The following LILRB3 variants were observed in gnomAD, a reference collection of about 807,000 sequenced individuals.
LILRB3 encodes leukocyte immunoglobulin like receptor B3, also known as leukocyte immunoglobulin-like receptor subfamily B member 3.
Under a neutral mutation model 68.2 loss-of-function variants are expected in LILRB3, and 32 were observed. The observed-to-expected ratio is 0.47, with a 90% CI of 0.35 to 0.63. The LOEUF (loss-of-function observed/expected upper bound fraction) is 0.63. LILRB3 is among the 30% of genes least tolerant of loss of function. The pLI is 0.00. For synonymous variants in LILRB3, 185 were observed against 323.1 expected, an observed-to-expected ratio of 0.57 and a Z score of 4.58; for missense variants, 502 against 791.3, an observed-to-expected ratio of 0.63 and a Z score of 4.39.
exon 12 of LILRB3, chr19:54,217,395 G>A: frequency 6.2e-7 from 1 of 1,602,484 alleles, no homozygotes. Context: ...TGAGGAGGGA[G>A]GAGAGGCCAT....
chr19:54,219,171 G>C, exon 8 of LILRB3: 1 of 1,608,314 alleles, frequency 6.2e-7, no homozygotes. Context: ...AGGAGGAGGA[G>C]GAAGAGGAGG....
At chr19:54,218,830 T>C in exon 9 of LILRB3, 1 of 1,614,102 alleles carries the variant, frequency 6.2e-7, no homozygotes, top group Non-Finnish European at 8.5e-7. Context: ...AAATCAGTCT[T>C]TCTCTGGTCT....
intron 7 of LILRB3, 24 bp from the exon 8 acceptor site, chr19:54,219,269 G>A: frequency 3.3e-6 from 5 of 1,529,444 alleles, no homozygotes; most frequent in Non-Finnish European, 4.4e-6. Context: ...CGTCAGGAGT[G>A]GGAATGATGT....
intron 11 of LILRB3, 53 bp downstream of exon 11, chr19:54,218,308 A>G: frequency 6.2e-7 from 1 of 1,609,034 alleles, no homozygotes; most frequent in Non-Finnish European, 8.5e-7. Context: ...GTCCTGCAGG[A>G]TTAGATCTGG....
chr19:54,219,162 GGAGGAGGAGGAA>G (rs762459137), exon 8 of LILRB3: 4 of 1,599,098 alleles, frequency 2.5e-6, no homozygotes, highest in Non-Finnish European at 3.4e-6. Context: ...CGCTGACGGA[GGAGGAGGAGGAA>G]GAGGAGGAGG....
intron 8 of LILRB3, 38 bp downstream of exon 8, chr19:54,219,091 C>A (rs776481370): frequency 9.6e-6 from 15 of 1,555,374 alleles, no homozygotes; most frequent in Non-Finnish European, 1.3e-5. Flanking sequence ...CTGAGCCCAC[C>A]CTCGGTCGAC....
intron 10 of LILRB3, 57 bp downstream of exon 10, chr19:54,218,588 A>C (rs1223037296): frequency 1.2e-6 from 2 of 1,613,240 alleles, no homozygotes; most frequent in African/African-American, 1.3e-5. Flanking sequence ...GTTGCTACTG[A>C]AATTTTGGGA....
exon 12 of LILRB3, chr19:54,217,333 G>T: frequency 6.3e-7 from 1 of 1,586,404 alleles, no homozygotes; most frequent in Non-Finnish European, 8.6e-7. Flanking sequence ...GTGTCCATCT[G>T]CCTGTCCTCT....
chr19:54,217,318 C>T lies in LILRB3; in HGVS notation c.1749+1G>A, dbSNP rs147121453. The T allele has an allele frequency of 8.1e-5, 128 of 1,589,150 alleles. 3 individuals are homozygous for T. The highest frequency in any genetic ancestry group is 6.2e-4 in the Admixed American group (37 of 59,316). ...GGGGGCCTGGAGAGGAAAGGACTCA[C>T]CTCAGTGTCCATCTGCCTGTCCTCT... On this transcript the variant is annotated splice_donor_variant, in intron 12 of 12. Transcript: ENST00000445347. LOFTEE classifies it high-confidence loss of function.
chr19:54,216,674 T>C (rs2147198307), exon 13 of LILRB3: 14 of 1,059,490 alleles, frequency 1.3e-5, no homozygotes, highest in Non-Finnish European at 1.5e-5. Flanking sequence ...TATCATTCAG[T>C]TTAAAACATT....
intron 4 of LILRB3, 149 bp downstream of exon 4, chr19:54,221,679 C>G: frequency 6.3e-7 from 1 of 1,589,830 alleles, no homozygotes; most frequent in South Asian, 1.1e-5. Flanking sequence ...CCTCCCATGT[C>G]AGAGCCTCCC....
exon 4 of LILRB3, chr19:54,221,850 G>T (rs2078209247): frequency 4.5e-6 from 7 of 1,560,164 alleles, no homozygotes; most frequent in Non-Finnish European, 5.3e-6. Context: ...TCTCCAGGGG[G>T]TCACTGGGGT....
intron 11 of LILRB3, among the ~76,000 whole-genome samples, 185 bp downstream of exon 11, chr19:54,218,176 G>C (rs1295680037): frequency 1.3e-5 from 2 of 152,094 alleles, no homozygotes; most frequent in Non-Finnish European, 2.9e-5. Context: ...GACCCGGGAG[G>C]AGGCCCACGA....
intron 11 of LILRB3, 30 bp from the exon 12 acceptor site, chr19:54,217,504 T>C (rs770986133): frequency 1.3e-6 from 2 of 1,590,894 alleles, no homozygotes; most frequent in African/African-American, 2.7e-5. Flanking sequence ...GTGGGGGGTG[T>C]CCTTGAGTCC....
At position 54,222,733 on chromosome 19, in the gene LILRB3, G is replaced by A; in HGVS notation, c.70+14C>T. The A allele has an allele frequency of 6.2e-7, 1 of 1,612,586 alleles. No individual in the cohort carries two copies. The highest frequency in any genetic ancestry group is 8.5e-7 in the Non-Finnish European group (1 of 1,179,862). On this transcript the variant is annotated intron_variant, in intron 2 of 12. Coordinates refer to ENST00000445347, the Ensembl canonical transcript of LILRB3. ...TGAGGAGTAGGGACCTGGGACAGCT[G>A]GGGACAGACTCACCTGCCTGCATGC...
exon 13 of LILRB3, chr19:54,217,087 C>G (rs757038713): frequency 3.7e-6 from 6 of 1,614,084 alleles, no homozygotes; most frequent in Non-Finnish European, 8.5e-7. Flanking sequence ...CTGCGTACCC[C>G]CCGGGCTAGT....
chr19:54,222,260 C>T lies in LILRB3; in HGVS notation c.355+18G>A. Reference sequence around the variant, plus strand: ...TGAGGGCAGAGCCTGGGGCTGGGACCCCAGAGTGTCCTCTCACCTGTCATC... The same window carrying T: ...TGAGGGCAGAGCCTGGGGCTGGGACTCCAGAGTGTCCTCTCACCTGTCATC... On this transcript the variant is annotated intron_variant, in intron 3 of 12. Coordinates refer to ENST00000445347, the Ensembl canonical transcript of LILRB3. 1 of 1,611,048 alleles carries T rather than the reference C, an allele frequency of 6.2e-7. No individual in the cohort carries two copies.
Position 54,218,353 on chromosome 19 carries a change from G to C in LILRB3, c.1593+8C>G. 1 of 1,613,992 alleles carries C rather than the reference G, an allele frequency of 6.2e-7. No homozygotes were observed. ...GCCTTTGGTGCCTGGGACGGGGCGG[G>C]ATCTCACCTGACTGTCCAGCTCCAC... On this transcript the variant is annotated splice_region_variant and intron_variant, in intron 11 of 12. Transcript: ENST00000445347.
intron 7 of LILRB3, chr19:54,219,683 G>C: frequency 2.0e-6 from 2 of 985,258 alleles, no homozygotes; most frequent in Non-Finnish European, 2.4e-6. Flanking sequence ...GTCACAGCTG[G>C]GGGTCAGAGC....
Sources: allele counts gnomAD v4.1 joint callset (sites outside exome capture counted in the v4.1 genomes callset), GRCh38; gene constraint gnomAD v4.1.1; transcripts MANE v1.5; gene names NCBI Gene and HGNC (gene_info 2026-07-23, HGNC 2026-07-21).